KIAA1217: variants seen among roughly 807,000 people sequenced by gnomAD.
The protein encoded by KIAA1217 is KIAA1217, also known as sickle tail protein homolog.
KIAA1217 carries 88 observed loss-of-function variants against 163.9 expected under a neutral mutation model. The observed-to-expected ratio is 0.54, with a 90% CI of 0.45 to 0.64. The LOEUF (loss-of-function observed/expected upper bound fraction) is 0.64. KIAA1217 is among the 30% of genes least tolerant of loss of function. The pLI is 0.00. For synonymous variants in KIAA1217, 903 were observed against 923.1 expected (o/e 0.98, Z 0.39); for missense variants, 2,372 against 2,475.0 (o/e 0.96, Z 0.88).
chr10:24,531,355 T>C (rs1311556579), intron 14 of KIAA1217, among the ~76,000 whole-genome samples: 1 of 152,164 alleles, frequency 6.6e-6, no homozygotes, highest in Non-Finnish European at 1.5e-5. Context: ...CAGAAACCCC[T>C]CTTGCTGATA....
At chr10:23,972,646 A>C (rs1235447369) in intron 1 of KIAA1217, among the ~76,000 whole-genome samples, 1 of 151,970 alleles carries the variant, frequency 6.6e-6, no homozygotes, top group East Asian at 1.9e-4. Flanking sequence ...CAACCCAAAG[A>C]CACATGCACA....
intron 6 of KIAA1217, among the ~76,000 whole-genome samples, chr10:24,484,622 C>T (rs1274780001): frequency 6.6e-6 from 1 of 151,976 alleles, no homozygotes; most frequent in Non-Finnish European, 1.5e-5. Context: ...CGCAGTGGTG[C>T]AATCATAGCT....
intron 1 of KIAA1217, among the ~76,000 whole-genome samples, chr10:23,789,874 C>CAT (rs967820098): frequency 2.7e-5 from 4 of 149,120 alleles, no homozygotes; most frequent in Non-Finnish European, 5.9e-5. Context: ...TAGTTCCCTT[C>CAT]ATATATATAT....
chr10:24,496,888 G>C (rs1428568217), intron 8 of KIAA1217, among the ~76,000 whole-genome samples: 4 of 152,218 alleles, frequency 2.6e-5, no homozygotes, highest in Admixed American at 1.3e-4. Flanking sequence ...TTCCCAAAGT[G>C]GAATCGGTGG....
chr10:23,886,480 G>A (rs1053443509), intron 1 of KIAA1217, among the ~76,000 whole-genome samples: 1 of 151,976 alleles, frequency 6.6e-6, no homozygotes, highest in Non-Finnish European at 1.5e-5. Context: ...TCAGTCAGAG[G>A]CCAGAATGCT....
intron 1 of KIAA1217, among the ~76,000 whole-genome samples, chr10:23,860,029 T>A (rs761813768): frequency 4.8e-5 from 7 of 145,422 alleles, no homozygotes; most frequent in Admixed American, 2.7e-4. Context: ...CACTTGTCTA[T>A]GTATAGGAGG....
At chr10:23,986,429 T>C (rs1024029879) in intron 1 of KIAA1217, among the ~76,000 whole-genome samples, 5 of 152,264 alleles carry the variant, frequency 3.3e-5, no homozygotes, top group Non-Finnish European at 7.3e-5. Context: ...AATGGTGTAG[T>C]ATTTGCATAT....
chr10:23,787,480 C>T (rs1835547138), intron 1 of KIAA1217, among the ~76,000 whole-genome samples: 1 of 152,044 alleles, frequency 6.6e-6, no homozygotes, highest in South Asian at 2.1e-4. Flanking sequence ...CTTGCCAAAT[C>T]CAGGCTCTAG....
In KIAA1217 at chr10:24,219,858, C is replaced by T. The variant is rs199598086; in HGVS notation, c.303C>T (p.Tyr101=). 5.0e-5 allele frequency: 81 copies of T among 1,613,138 alleles called. 1 individual carries two copies. In the East Asian group the frequency reaches 1.7e-3, roughly 35 times the overall value. ...TCCTAGAACATCTGAAGCAGAAGTACCCCCACCACGCCTCTGCAATCATGG... is the reference window on the plus strand; with the variant it reads ...TCCTAGAACATCTGAAGCAGAAGTATCCCCACCACGCCTCTGCAATCATGG... The part of the protein sequence containing the change: ...EAFLEHLKQK[Y]PHHASAIMGH... Residue 101 remains tyrosine, a synonymous_variant, in exon 2 of 21, where the codon TAC becomes TAT. Coordinates refer to ENST00000376454, the MANE Select transcript of KIAA1217 (RefSeq NM_019590.5).
In KIAA1217 at chr10:24,433,076, C is replaced by T; in HGVS notation, c.635C>T (p.Ala212Val). The T allele has an allele frequency of 6.8e-6, 11 of 1,614,132 alleles. No homozygotes were observed. The highest frequency in any genetic ancestry group is 9.3e-6 in the Non-Finnish European group (11 of 1,180,006). Reference protein sequence around the residue: ...NEITSADTIRALFVSAFPQQL... With the variant: ...NEITSADTIRVLFVSAFPQQL... ...ATCACAAGTGCAGACACAATCCGTG[C>T]TCTCTTCGTAAGTGCCTTTCCACAG... Residue 212 changes from alanine (A) to valine (V), a missense_variant, in exon 4 of 21, where the codon GCT becomes GTT. Physicochemically the swap from Ala to Val is moderately conservative, Grantham distance 64. Coordinates refer to ENST00000376454, the MANE Select transcript of KIAA1217 (RefSeq NM_019590.5).
chr10:24,545,196 A>C, intron 20 of KIAA1217, 93 bp downstream of exon 20: 1 of 1,552,276 alleles, frequency 6.4e-7, no homozygotes, highest in Non-Finnish European at 8.7e-7. Context: ...CTTTCTTTGT[A>C]AGATAACGGT....
chr10:23,913,306 G>A (rs538165778), intron 1 of KIAA1217, among the ~76,000 whole-genome samples: 118 of 152,010 alleles, frequency 7.8e-4, no homozygotes, highest in Middle Eastern at 3.4e-3. Flanking sequence ...ACAGACAGCC[G>A]ATGAAGTACA....
At chr10:23,867,303 A>G (rs1588979075) in intron 1 of KIAA1217, among the ~76,000 whole-genome samples, 2 of 152,082 alleles carry the variant, frequency 1.3e-5, no homozygotes, top group South Asian at 2.1e-4. Context: ...TAGTGCCGCA[A>G]TAAACATACG....
chr10:24,533,398 G>A (rs900240129), intron 16 of KIAA1217, among the ~76,000 whole-genome samples, 161 bp downstream of exon 16: 14 of 152,322 alleles, frequency 9.2e-5, no homozygotes, highest in African/African-American at 2.6e-4. Context: ...CCAAGATGGC[G>A]CTGAACAAGG....
chr10:24,395,407 C>A (rs1182582866), intron 3 of KIAA1217, among the ~76,000 whole-genome samples: 3 of 152,190 alleles, frequency 2.0e-5, no homozygotes, highest in Non-Finnish European at 4.4e-5. Context: ...AAGGATTTCC[C>A]ACACCAGTGT....
In KIAA1217 at chr10:23,793,620, C is replaced by T. The variant is rs984761799; in HGVS notation, c.-321+98386C>T. On this transcript the variant is annotated intron_variant, in intron 1 of 18. Transcript: ENST00000376462. ...AAAAATAATGTCTTGGCTGTAAGTCCGCTGCCTGAAACACACTGATAGTTG... is the reference window on the plus strand; with the variant it reads ...AAAAATAATGTCTTGGCTGTAAGTCTGCTGCCTGAAACACACTGATAGTTG... Among the ~76,000 whole-genome samples the T allele has an allele frequency of 3.9e-5, 6 of 152,154 alleles. No individual in the cohort carries two copies. In the South Asian group the frequency reaches 8.3e-4, roughly 21 times the overall value.
intron 2 of KIAA1217, among the ~76,000 whole-genome samples, chr10:24,317,757 T>G (rs193251158): frequency 6.6e-6 from 1 of 152,304 alleles, no homozygotes; most frequent in Admixed American, 6.5e-5. Context: ...TCCTGTAGAC[T>G]AAAAGAAACA....
intron 2 of KIAA1217, among the ~76,000 whole-genome samples, chr10:24,310,997 C>CAAACA (rs2042624705): frequency 6.6e-6 from 1 of 152,150 alleles, no homozygotes; most frequent in Admixed American, 6.6e-5. Flanking sequence ...GACCCTGTCT[C>CAAACA]AAACAAAACA....
chr10:24,466,077 C>G (rs993692706), intron 5 of KIAA1217, among the ~76,000 whole-genome samples: 1 of 152,296 alleles, frequency 6.6e-6, no homozygotes, highest in Non-Finnish European at 1.5e-5. Flanking sequence ...TCATGTTTTC[C>G]CTCTGGTGTT....
Sources: allele counts gnomAD v4.1 joint callset (sites outside exome capture counted in the v4.1 genomes callset), GRCh38; gene constraint gnomAD v4.1.1; transcripts MANE v1.5; gene names NCBI Gene and HGNC (gene_info 2026-07-23, HGNC 2026-07-21).